TEX101: variants seen among roughly 807,000 people sequenced by gnomAD.
The protein encoded by TEX101 is testis-expressed protein 101.
A neutral mutation model predicts 18.1 loss-of-function variants in TEX101; 10 were observed. That is an observed-to-expected ratio of 0.55 (90% CI 0.34 to 0.94). The LOEUF (loss-of-function observed/expected upper bound fraction) is 0.94, where lower values mean the gene tolerates loss of function less well. TEX101 is among the 40% of genes least tolerant of loss of function. The pLI is 0.02. For missense variants in TEX101, 259 were observed against 298.9 expected, an observed-to-expected ratio of 0.87 and a Z score of 0.98; for synonymous variants, 94 against 114.8, an observed-to-expected ratio of 0.82 and a Z score of 1.16.
intron 4 of TEX101, 107 bp downstream of exon 4, chr19:43,416,662 C>A: frequency 9.7e-7 from 1 of 1,032,586 alleles, no homozygotes; most frequent in Non-Finnish European, 1.4e-6. Context: ...GTCCATACCC[C>A]AAAGTACCTC....
In TEX101 at chr19:43,415,987, C is replaced by T. The variant is rs771345289; in HGVS notation, c.64+4C>T. ...CTAGGAGCCTCCCTCCTGACCTGTG[C>T]GTATGGGGGACATAGGGGAGAGCCG... On this transcript the variant is annotated splice_donor_region_variant and intron_variant, in intron 2 of 5. Coordinates refer to ENST00000598265, the MANE Select transcript of TEX101 (RefSeq NM_001130011.3). 2.4e-5 allele frequency: 39 copies of T among 1,613,728 alleles called. No homozygotes were observed. The highest frequency in any genetic ancestry group is 2.7e-5 in the African/African-American group (2 of 75,024).
At chr19:43,417,791 G>A in intron 4 of TEX101, 87 bp from the exon 5 acceptor site, 1 of 1,561,626 alleles carries the variant, frequency 6.4e-7, no homozygotes. Context: ...GGCATCTGCA[G>A]GAAAATCTTG....
chr19:43,409,501 A>T (rs1433786051), intron 3 of TEX101, among the ~76,000 whole-genome samples: 1 of 152,184 alleles, frequency 6.6e-6, no homozygotes, highest in African/African-American at 2.4e-5. Flanking sequence ...ATACCCATAT[A>T]TACTGTCTAC....
At chr19:43,402,406 G>T (rs537151682) in intron 1 of TEX101, among the ~76,000 whole-genome samples, 1 of 152,182 alleles carries the variant, frequency 6.6e-6, no homozygotes, top group Non-Finnish European at 1.5e-5. Flanking sequence ...AGTCAAAAGA[G>T]TGCCAAACCT....
At chr19:43,413,277 G>A (rs189656983), upstream of TEX101, among the ~76,000 whole-genome samples, 3,647 of 152,056 alleles carry the variant, frequency 0.024, 61 homozygotes, top group Middle Eastern at 0.099. Context: ...GGGGGCGGGC[G>A]GATCACGAGG....
chr19:43,390,702 C>T, the TEX101 span, among the ~76,000 whole-genome samples: 6 of 151,838 alleles, frequency 4.0e-5, no homozygotes, highest in Middle Eastern at 3.2e-3. Flanking sequence ...CTCCTGACCT[C>T]GTGATCTGCC....
At chr19:43,403,063 T>C (rs1479219232) in intron 2 of TEX101, among the ~76,000 whole-genome samples, 2 of 152,166 alleles carry the variant, frequency 1.3e-5, no homozygotes, top group Non-Finnish European at 2.9e-5. Flanking sequence ...GTTCCTCCCA[T>C]ATCCCAACTG....
At chr19:43,417,626 A>G (rs926442849) in intron 4 of TEX101, among the ~76,000 whole-genome samples, 5 of 152,214 alleles carry the variant, frequency 3.3e-5, no homozygotes, top group South Asian at 2.1e-4. Context: ...TCTTTCTCCT[A>G]GGCAGAGATG....
intron 2 of TEX101, among the ~76,000 whole-genome samples, chr19:43,404,198 G>T (rs1758816154): frequency 6.6e-6 from 1 of 151,824 alleles, no homozygotes; most frequent in Non-Finnish European, 1.5e-5. Flanking sequence ...AAGGATTAGG[G>T]ATACTCATCT....
chr19:43,403,216 T>G (rs1250942903), intron 2 of TEX101, among the ~76,000 whole-genome samples: 3 of 152,234 alleles, frequency 2.0e-5, no homozygotes, highest in Non-Finnish European at 4.4e-5. Flanking sequence ...GATGTAATTA[T>G]ACATTTCACA....
chr19:43,407,984 T>C (rs921869724), intron 3 of TEX101, among the ~76,000 whole-genome samples: 3 of 146,820 alleles, frequency 2.0e-5, no homozygotes, highest in Non-Finnish European at 4.6e-5. Flanking sequence ...ATGGGATCTG[T>C]TGAAAGTTAG....
upstream of TEX101, among the ~76,000 whole-genome samples, chr19:43,396,826 ATTTTTTTTTTTT>A (rs1202828153): frequency 1.2e-5 from 1 of 82,874 alleles, no homozygotes; most frequent in African/African-American, 5.1e-5. Flanking sequence ...TGTTTTCAGC[ATTTTTTTTTTTT>A]TTTTTTTTTT....
At chr19:43,390,450 C>CTTTTTTTTTATTTTTTTTTTTT in the TEX101 span, among the ~76,000 whole-genome samples, 1 of 62,878 alleles carries the variant, frequency 1.6e-5, no homozygotes, top group African/African-American at 6.3e-5. Context: ...CTTTTCTTTT[C>CTTTTTTTTTATTTTTTTTTTTT]TTTTTTTTTC....
upstream of TEX101, among the ~76,000 whole-genome samples, chr19:43,400,922 T>C (rs1398124761): frequency 1.3e-5 from 2 of 152,288 alleles, no homozygotes; most frequent in East Asian, 3.9e-4. Flanking sequence ...GGCAAATATG[T>C]TTTTTTAAAT....
chr19:43,416,289 A>G (rs1970476290), intron 3 of TEX101, 47 bp downstream of exon 3: 1 of 1,588,102 alleles, frequency 6.3e-7, no homozygotes, highest in African/African-American at 1.3e-5. Context: ...GAGGTTGATT[A>G]TCTCCATGCC....
chr19:43,397,834 TTTTATATAAATA>T (rs1262260083), upstream of TEX101, among the ~76,000 whole-genome samples: 1 of 111,952 alleles, frequency 8.9e-6, no homozygotes, highest in Non-Finnish European at 1.7e-5. Context: ...AAAATATATA[TTTTATATAAATA>T]TATAATATAT....
At position 43,403,142 on chromosome 19, in the gene TEX101, T is replaced by C. The variant is rs144623167; in HGVS notation, c.-283+283T>C. 9.3e-4 allele frequency among the ~76,000 whole-genome samples: 141 copies of C among 152,260 alleles called. 1 individual carries two copies. Among genetic ancestry groups the C allele is most frequent in the African/African-American group, 3.2e-3 (132 of 41,542 alleles). On this transcript the variant is annotated intron_variant, in intron 2 of 7. Coordinates refer to the TEX101 transcript ENST00000602198. Reference sequence around the variant, plus strand: ...TATCCCTCAGGTAGGATCTCACCAGTGTAAAGAATCAACATTGATCTGGTG... The same window carrying C: ...TATCCCTCAGGTAGGATCTCACCAGCGTAAAGAATCAACATTGATCTGGTG...
At chr19:43,411,784 G>T (rs1178209517), upstream of TEX101, among the ~76,000 whole-genome samples, 14 of 152,058 alleles carry the variant, frequency 9.2e-5, no homozygotes, top group Non-Finnish European at 5.9e-5. Context: ...CCAAGTAGCT[G>T]GGATTACAGG....
At chr19:43,399,802 ATTTTT>A (rs71169230), upstream of TEX101, among the ~76,000 whole-genome samples, 2 of 113,282 alleles carry the variant, frequency 1.8e-5, no homozygotes, top group Non-Finnish European at 3.7e-5. Context: ...CCTATGTCCT[ATTTTT>A]TTTTTTTTTT....
Sources: gnomAD v4.1 joint callset for allele counts (sites outside exome capture counted in the v4.1 genomes callset) on GRCh38, gnomAD v4.1.1 for gene constraint, MANE v1.5 for transcripts, NCBI Gene and HGNC (gene_info 2026-07-23, HGNC 2026-07-21) for gene names.